POF1B: variants seen among roughly 807,000 people sequenced by gnomAD.
POF1B encodes POF1B actin binding protein.
POF1B carries 53 observed loss-of-function variants against 55.3 expected under a neutral mutation model. The observed-to-expected ratio is 0.96, with a 90% confidence interval of 0.77 to 1.20. POF1B has a LOEUF of 1.20. Among genes scored for constraint, POF1B ranks in the 50% most tolerant of loss-of-function variants. POF1B has a pLI of 0.00. For synonymous variants in POF1B, 188 were observed against 148.3 expected (o/e 1.27, Z -1.95); for missense variants, 478 against 420.5 (o/e 1.14, Z -1.20).
At chrX:85,342,159 T>C (rs1384706701) in intron 6 of POF1B, among the ~76,000 whole-genome samples, 1 of 111,765 alleles carries the variant, frequency 8.9e-6, no homozygotes, top group East Asian at 2.8e-4. Context: ...CAGGGAAGTA[T>C]ATGTAACTTG....
rs181441737 is a variant in POF1B, at chrX:85,323,377, T to G, written c.854+7572A>C. Among the ~76,000 whole-genome samples, 161 of 100,833 alleles carry G rather than the reference T, an allele frequency of 1.6e-3. 3 individuals are homozygous for G. The East Asian group carries it at 0.037, about 23-fold the overall frequency. 87.6% of individuals were successfully genotyped at this position (100,833 alleles called of 115,157 possible). A position where few individuals can be genotyped will look rare whatever the true frequency, so the allele number is the denominator to read the frequency against. ...ACCAAGCACCGCATGTTCTCACTGG[T>G]AGGTAGGAATTGAACAATGAGAACA... On this transcript the variant is annotated intron_variant, in intron 7 of 16. Transcript: ENST00000262753.
At chrX:85,314,824 A>T (rs1489237036) in intron 8 of POF1B, among the ~76,000 whole-genome samples, 1 of 112,158 alleles carries the variant, frequency 8.9e-6, no homozygotes, top group Non-Finnish European at 1.9e-5. Flanking sequence ...ATTCCTTTAC[A>T]CACTTTATTC....
intron 7 of POF1B, among the ~76,000 whole-genome samples, chrX:85,321,394 A>C (rs1306403353): frequency 9.1e-6 from 1 of 109,892 alleles, no homozygotes; most frequent in Admixed American, 9.7e-5. Context: ...ATTCAACAAC[A>C]CTTCATGCTA....
At chrX:85,308,704 G>A (rs1376757143) in intron 9 of POF1B, among the ~76,000 whole-genome samples, 1 of 111,093 alleles carries the variant, frequency 9.0e-6, no homozygotes, top group African/African-American at 3.3e-5. Flanking sequence ...TTTTACCAGA[G>A]TCTCACTCTG....
At chrX:85,312,691 A>G (rs1030168157) in intron 9 of POF1B, among the ~76,000 whole-genome samples, 5 of 110,614 alleles carry the variant, frequency 4.5e-5, no homozygotes, top group Non-Finnish European at 7.6e-5. Flanking sequence ...AATTTAAAGT[A>G]TTTTTTCTAA....
chrX:85,364,672 G>C (rs887559120), intron 3 of POF1B, among the ~76,000 whole-genome samples: 13 of 111,144 alleles, frequency 1.2e-4, no homozygotes, highest in Non-Finnish European at 2.5e-4. Flanking sequence ...CTCTCTAGCT[G>C]CTGTCAACAT....
intron 5 of POF1B, among the ~76,000 whole-genome samples, chrX:85,350,560 G>A (rs1266009916): frequency 3.6e-5 from 4 of 110,768 alleles, no homozygotes; most frequent in Non-Finnish European, 5.7e-5. Context: ...TAATGGGATG[G>A]CTGGGTCAAA....
intron 3 of POF1B, among the ~76,000 whole-genome samples, chrX:85,359,835 G>C (rs975489372): frequency 1.8e-5 from 2 of 111,121 alleles, no homozygotes; most frequent in Non-Finnish European, 3.8e-5. Flanking sequence ...CTGGGTACTC[G>C]TATTATACTC....
intron 5 of POF1B, among the ~76,000 whole-genome samples, chrX:85,348,151 G>C (rs1486116324): frequency 1.8e-5 from 2 of 110,837 alleles, no homozygotes; most frequent in African/African-American, 6.5e-5. Context: ...CCATAATCTG[G>C]GGTGCCTTGC....
intron 9 of POF1B, among the ~76,000 whole-genome samples, chrX:85,308,482 A>G (rs774265248): frequency 2.7e-5 from 3 of 111,293 alleles, no homozygotes; most frequent in Non-Finnish European, 5.7e-5. Flanking sequence ...GTAGAATTCT[A>G]TCAGCAAAAT....
At chrX:85,313,072 T>G (rs1412606914) in intron 9 of POF1B, among the ~76,000 whole-genome samples, 1 of 111,968 alleles carries the variant, frequency 8.9e-6, no homozygotes, top group Non-Finnish European at 1.9e-5. Context: ...AAGGAGATTT[T>G]GGGTTGAGAC....
intron 15 of POF1B, among the ~76,000 whole-genome samples, chrX:85,300,686 TG>T (rs1946865484): frequency 8.9e-6 from 1 of 111,869 alleles, no homozygotes; most frequent in Non-Finnish European, 1.9e-5. Context: ...TTGCCTATCA[TG>T]GAAAAAATCA....
At chrX:85,293,007 C>T (rs67241665) in intron 15 of POF1B, among the ~76,000 whole-genome samples, 23,866 of 110,731 alleles carry the variant, frequency 0.22, 2,460 homozygotes, top group African/African-American at 0.4. Flanking sequence ...AGATTGACTA[C>T]TATTAAAAAG....
At position 85,308,107 on chromosome X, in the gene POF1B, A is replaced by G; in HGVS notation, c.1050+17T>C. 9.1e-7 allele frequency: 1 copy of G among 1,104,751 alleles called. No individual in the cohort carries two copies. The allele number at this position is 1,104,751 out of a possible 1,213,427, so 91.0% of individuals were successfully genotyped here. ...AGTAACTAGAAAGGCTTTGGAAAAAATCAAAATAAATCTTACTGTCATATC... is the reference window on the plus strand; with the variant it reads ...AGTAACTAGAAAGGCTTTGGAAAAAGTCAAAATAAATCTTACTGTCATATC... On this transcript the variant is annotated intron_variant, in intron 10 of 16. Transcript: ENST00000262753.
Position 85,379,362 on chromosome X carries a change from G to A in POF1B, c.93C>T (p.His31=), listed in dbSNP as rs767045189. The A allele has an allele frequency of 2.5e-6, 3 of 1,210,502 alleles. No individual in the cohort carries two copies. The highest frequency in any genetic ancestry group is 4.7e-4 in the Middle Eastern group (2 of 4,237). Residue 31 remains histidine (H), a synonymous_variant, in exon 2 of 17, where the codon CAC becomes CAT. Coordinates refer to ENST00000262753, the MANE Select transcript of POF1B (RefSeq NM_024921.4). ...GGGCTTGGCTTGACTGATGGTAGCA[G>A]TGGTAATGCTGGGGCTGGCACTGCA... ...EVLQCQPQHY[H]CYHQSSQAQQ...
chrX:85,296,492 A>G (rs1932313423), intron 15 of POF1B, among the ~76,000 whole-genome samples: 1 of 112,174 alleles, frequency 8.9e-6, no homozygotes, highest in Admixed American at 9.4e-5. Context: ...TCCTTTGCTT[A>G]TGAAGCATAG....
At chrX:85,352,001 C>T (rs759035835) in intron 4 of POF1B, among the ~76,000 whole-genome samples, 3 of 110,450 alleles carry the variant, frequency 2.7e-5, no homozygotes, top group African/African-American at 6.6e-5. Context: ...GAACAACATA[C>T]GTTTTGAATA....
At chrX:85,290,296 T>G (rs2147893632) in intron 15 of POF1B, among the ~76,000 whole-genome samples, 1 of 111,983 alleles carries the variant, frequency 8.9e-6, no homozygotes, top group East Asian at 2.8e-4. Context: ...GATTTTTTTT[T>G]TATGGCTGCA....
Position 85,355,474 on chromosome X carries a change from C to A in POF1B, c.439-4023G>T, listed in dbSNP as rs752404382. Among the ~76,000 whole-genome samples the A allele has an allele frequency of 4.6e-3, 515 of 111,306 alleles. 2 individuals are homozygous for A. Among genetic ancestry groups the A allele is most frequent in the African/African-American group, 0.016 (488 of 30,672 alleles). ...TTGACAAATGGCATCTAATTAAACT[C>A]AAGAGCTTCTGCACAGCAAAAGAAA... On this transcript the variant is annotated intron_variant, in intron 4 of 16. Coordinates refer to ENST00000262753, the MANE Select transcript of POF1B (RefSeq NM_024921.4).
Sources: allele counts gnomAD v4.1 joint callset (sites outside exome capture counted in the v4.1 genomes callset), GRCh38; gene constraint gnomAD v4.1.1; transcripts MANE v1.5; gene names NCBI Gene and HGNC (gene_info 2026-07-23, HGNC 2026-07-21).